UBXN4: variants seen among roughly 807,000 people sequenced by gnomAD.
The protein encoded by UBXN4 is UBX domain protein 4.
Under a neutral mutation model 66.2 loss-of-function variants are expected in UBXN4, and 35 were observed. That is an observed-to-expected ratio of 0.53 (90% CI 0.40 to 0.70). The LOEUF is 0.70. Ranked by LOEUF, UBXN4 falls within the 30% of genes least tolerant of loss-of-function variation. UBXN4 has a pLI of 0.00. For synonymous variants in UBXN4, 203 were observed against 204.5 expected (o/e 0.99, Z 0.06); for missense variants, 533 against 599.8 (o/e 0.89, Z 1.16).
intron 2 of UBXN4, among the ~76,000 whole-genome samples, chr2:135,750,097 T>G (rs1437580250): frequency 6.6e-6 from 1 of 152,224 alleles, no homozygotes; most frequent in Admixed American, 6.5e-5. Context: ...TTTCTCTCTT[T>G]ATGATGTTAG....
chr2:135,741,929 G>A lies in UBXN4; in HGVS notation c.-1G>A, dbSNP rs1290454309. The A allele has an allele frequency of 6.2e-7, 1 of 1,612,098 alleles. No individual in the cohort carries two copies. Among genetic ancestry groups the A allele is most frequent in the South Asian group, 1.1e-5 (1 of 90,776 alleles). ...GCGAGCGCCTGGGCCCGAAGGGAGCGATGCTGTGGTTCCAGGGCGCCATTC... is the reference window on the plus strand; with the variant it reads ...GCGAGCGCCTGGGCCCGAAGGGAGCAATGCTGTGGTTCCAGGGCGCCATTC... On this transcript the variant is annotated 5_prime_UTR_variant, in exon 1 of 13. Transcript: ENST00000272638.
At chr2:135,745,875 C>CTTTTTCTT (rs2077204367) in intron 1 of UBXN4, among the ~76,000 whole-genome samples, 1 of 74,398 alleles carries the variant, frequency 1.3e-5, no homozygotes, top group Non-Finnish European at 2.3e-5. Context: ...GTCCCGTTTA[C>CTTTTTCTT]TTTTTTTTTT....
chr2:135,778,866 A>C (rs1178838425), intron 10 of UBXN4, 82 bp from the exon 11 acceptor site: 3 of 1,367,062 alleles, frequency 2.2e-6, no homozygotes, highest in African/African-American at 2.9e-5. Context: ...AGGCAATGTT[A>C]ATTAAAGCAT....
chr2:135,755,347 A>G (rs963748244), intron 4 of UBXN4, among the ~76,000 whole-genome samples, 170 bp from the exon 5 acceptor site: 6 of 152,236 alleles, frequency 3.9e-5, no homozygotes, highest in Non-Finnish European at 8.8e-5. Context: ...GGTAAATTCC[A>G]TAATGTGATT....
intron 6 of UBXN4, among the ~76,000 whole-genome samples, chr2:135,762,143 C>A (rs532503222): frequency 1.3e-5 from 2 of 152,282 alleles, no homozygotes; most frequent in South Asian, 4.1e-4. Flanking sequence ...TAAGAATCCC[C>A]TTTTTAATGG....
chr2:135,764,559 G>A (rs2077336183), intron 6 of UBXN4, among the ~76,000 whole-genome samples: 1 of 152,206 alleles, frequency 6.6e-6, no homozygotes, highest in African/African-American at 2.4e-5. Context: ...CTGGAGTGCA[G>A]TGGCATGATC....
At chr2:135,779,850 TA>T (rs2077438778) in intron 11 of UBXN4, among the ~76,000 whole-genome samples, 1 of 136,948 alleles carries the variant, frequency 7.3e-6, no homozygotes, top group Admixed American at 7.6e-5. Context: ...AATTATTATA[TA>T]AAATAATTAT....
At chr2:135,775,163 G>A (rs758963372) in intron 9 of UBXN4, among the ~76,000 whole-genome samples, 24 of 152,240 alleles carry the variant, frequency 1.6e-4, no homozygotes, top group Non-Finnish European at 2.4e-4. Context: ...TTGTGAGGAT[G>A]TGGAGAATTT....
Position 135,741,961 on chromosome 2 carries a change from C to G in UBXN4, c.32C>G (p.Ala11Gly), listed in dbSNP as rs756635954. MLWFQGAIPAAIATAKRSGAV... is the reference protein window; with the variant it reads MLWFQGAIPAGIATAKRSGAV... Reference sequence around the variant, plus strand: ...TGGTTCCAGGGCGCCATTCCGGCCGCCATCGCGACGGCCAAAAGGAGCGGC... The same window carrying G: ...TGGTTCCAGGGCGCCATTCCGGCCGGCATCGCGACGGCCAAAAGGAGCGGC... The change falls in exon 1 of 13, where the codon GCC (alanine) becomes GGC (glycine). Residue 11 changes from alanine to glycine, a missense_variant. By Grantham distance (60) the Ala-to-Gly change is moderately conservative. This residue lies in a region of UBXN4 where 529 missense variants were observed against 580.1 expected (regional missense o/e 0.91). Coordinates refer to ENST00000272638, the MANE Select transcript of UBXN4 (RefSeq NM_014607.4). 1 of 1,613,460 alleles carries G rather than the reference C, an allele frequency of 6.2e-7. No homozygotes were observed. Among genetic ancestry groups the G allele is most frequent in the Non-Finnish European group, 8.5e-7 (1 of 1,179,714 alleles).
chr2:135,753,848 A>G, intron 3 of UBXN4: 1 of 442,296 alleles, frequency 2.3e-6, no homozygotes, highest in Non-Finnish European at 3.9e-6. Context: ...TATCTGAAAA[A>G]CAATATAGAT....
chr2:135,779,870 A>T (rs1467961813), intron 11 of UBXN4, among the ~76,000 whole-genome samples: 1 of 84,246 alleles, frequency 1.2e-5, no homozygotes, highest in Non-Finnish European at 3.6e-5. Context: ...ATATAAAATA[A>T]TTTTATAATT....
Position 135,748,357 on chromosome 2 carries a change from T to C in UBXN4, c.173T>C (p.Ile58Thr). ...TCAAACAGTTTTGTTGCTATTAAAA[T>C]CGATACCAAAAGGTTTGTTTATGTT... ...ASSNSFVAIK[I>T]DTKSEACLQF... is the part of the protein sequence containing the mutation. Residue 58 changes from isoleucine to threonine, a missense_variant, in exon 2 of 13, where the codon ATC becomes ACC. By Grantham distance (89) the Ile-to-Thr change is moderately conservative. Transcript: ENST00000272638. 1.9e-6 allele frequency: 3 copies of C among 1,592,008 alleles called. No individual in the cohort carries two copies. Among genetic ancestry groups the C allele is most frequent in the Non-Finnish European group, 2.6e-6 (3 of 1,171,116 alleles).
chr2:135,782,441 G>T (rs143506298), intron 12 of UBXN4, among the ~76,000 whole-genome samples: 1 of 152,152 alleles, frequency 6.6e-6, no homozygotes, highest in Non-Finnish European at 1.5e-5. Flanking sequence ...AATAACAAAG[G>T]AAAGATTAGT....
In UBXN4 at chr2:135,770,572, G is replaced by A; in HGVS notation, c.659G>A (p.Arg220Lys). ...REEKRKEEEQ[R>K]EIKKEIERRK... is the part of the protein sequence containing the mutation. ...CATAAAACTTTTTCTTTAATTCAGAGAGAAATTAAGAAGGAAATTGAGAGG... is the reference window on the plus strand; with the variant it reads ...CATAAAACTTTTTCTTTAATTCAGAAAGAAATTAAGAAGGAAATTGAGAGG... The change falls in exon 8 of 13, where the codon AGA becomes AAA. Residue 220 changes from arginine to lysine, a missense_variant and splice_region_variant. Coordinates refer to ENST00000272638, the MANE Select transcript of UBXN4 (RefSeq NM_014607.4). The A allele has an allele frequency of 6.8e-7, 1 of 1,470,968 alleles. No individual in the cohort carries two copies. The highest frequency in any genetic ancestry group is 9.0e-7 in the Non-Finnish European group (1 of 1,107,740). 91.1% of individuals were successfully genotyped at this position (1,470,968 alleles called of 1,614,324 possible). A position where few individuals can be genotyped will look rare whatever the true frequency, so the allele number is the denominator to read the frequency against.
chr2:135,759,038 G>A (rs566924537), intron 5 of UBXN4, among the ~76,000 whole-genome samples: 1 of 152,322 alleles, frequency 6.6e-6, no homozygotes, highest in African/African-American at 2.4e-5. Flanking sequence ...GATTGTAGGC[G>A]TAAGCCACTG....
chr2:135,753,489 T>G, intron 2 of UBXN4, 50 bp from the exon 3 acceptor site: 1 of 1,482,420 alleles, frequency 6.7e-7, no homozygotes, highest in African/African-American at 1.5e-5. Context: ...ACTCAGTATT[T>G]AGAAAATACT....
At position 135,755,497 on chromosome 2, in the gene UBXN4, C is replaced by A; in HGVS notation, c.334-20C>A. On this transcript the variant is annotated intron_variant, in intron 4 of 12. Coordinates refer to ENST00000272638, the MANE Select transcript of UBXN4 (RefSeq NM_014607.4). ...TAGATTCTTATCTATTAATTAAAAT[C>A]CAATTTATTTTCTGCCTAGATGCAT... The A allele has an allele frequency of 6.6e-7, 1 of 1,525,972 alleles. No individual in the cohort carries two copies. The highest frequency in any genetic ancestry group is 8.8e-7 in the Non-Finnish European group (1 of 1,132,280). The allele number at this position is 1,525,972 out of a possible 1,614,324, so 94.5% of individuals were successfully genotyped here. A position where few individuals can be genotyped will look rare whatever the true frequency, so the allele number is the denominator to read the frequency against.
rs2077459827 is a variant in UBXN4 at position 135,783,035 on chromosome 2, G to A, written c.*148G>A. ...CCTGCTTAGTGGGTGTGGGTTGAAG[G>A]TGTTTAACTCAGAAAAGTAAAGACA... On this transcript the variant is annotated 3_prime_UTR_variant, in exon 13 of 13. Transcript: ENST00000272638. 6.3e-6 allele frequency: 5 copies of A among 789,560 alleles called. No individual in the cohort carries two copies. The highest frequency in any genetic ancestry group is 3.8e-4 in the Middle Eastern group (1 of 2,610). The allele number at this position is 789,560 out of a possible 1,614,324, so 48.9% of individuals were successfully genotyped here. A position where few individuals can be genotyped will look rare whatever the true frequency, so the allele number is the denominator to read the frequency against.
intron 1 of UBXN4, chr2:135,742,422 C>T (rs2077180869): frequency 6.2e-6 from 1 of 161,238 alleles, no homozygotes; most frequent in Non-Finnish European, 1.4e-5. Flanking sequence ...TCTCCCCGCT[C>T]GGGGCGACGG....
Sources: gnomAD v4.1 joint callset for allele counts (sites outside exome capture counted in the v4.1 genomes callset) on GRCh38, gnomAD v4.1.1 for gene constraint, gnomAD v4.1.1 regional missense constraint, MANE v1.5 for transcripts, NCBI Gene and HGNC (gene_info 2026-07-23, HGNC 2026-07-21) for gene names.